ZNF536: variants seen among roughly 807,000 people sequenced by gnomAD.
The protein encoded by ZNF536 is zinc finger protein 536.
A neutral mutation model predicts 84.5 loss-of-function variants in ZNF536; 13 were observed. The ratio of observed to expected loss-of-function variants is 0.15; its 90% confidence interval spans 0.10 to 0.24. The LOEUF (loss-of-function observed/expected upper bound fraction) is 0.24. Ranked by LOEUF, ZNF536 falls within the 10% of genes least tolerant of loss-of-function variation. ZNF536 has a pLI of 1.00. For synonymous variants in ZNF536, 811 were observed against 742.5 expected, an observed-to-expected ratio of 1.09 and a Z score of -1.50; for missense variants, 1,536 against 1,747.5, an observed-to-expected ratio of 0.88 and a Z score of 2.16.
At chr19:30,300,015 C>T (rs2046127127) in intron 2 of ZNF536, among the ~76,000 whole-genome samples, 1 of 152,138 alleles carries the variant, frequency 6.6e-6, no homozygotes, top group Non-Finnish European at 1.5e-5. Flanking sequence ...CAGTCAAATT[C>T]CACTACTTTT....
chr19:30,653,911 C>T (rs1433793308), intron 1 of ZNF536, among the ~76,000 whole-genome samples: 1 of 152,172 alleles, frequency 6.6e-6, no homozygotes, highest in Non-Finnish European at 1.5e-5. Flanking sequence ...TGGCTCTTGT[C>T]TGGAGTTTGC....
chr19:30,684,451 A>C (rs2051095079), intron 1 of ZNF536, among the ~76,000 whole-genome samples: 1 of 152,166 alleles, frequency 6.6e-6, no homozygotes, highest in African/African-American at 2.4e-5. Context: ...CAAAAATCTT[A>C]ATGCATAAAC....
chr19:30,315,151 A>C (rs2046636824), intron 2 of ZNF536, among the ~76,000 whole-genome samples: 2 of 152,196 alleles, frequency 1.3e-5, no homozygotes, highest in Admixed American at 6.5e-5. Context: ...TATTTTCAGC[A>C]CCTAGAAGCT....
intron 1 of ZNF536, among the ~76,000 whole-genome samples, chr19:30,383,621 TCTTTCTTTCTTC>T (rs2049110710): frequency 3.4e-5 from 5 of 148,890 alleles, no homozygotes; most frequent in African/African-American, 9.9e-5. Context: ...TCTCTCTTTC[TCTTTCTTTCTTC>T]CTTTCTTCCT....
At chr19:30,248,400 T>G (rs2024415509) in intron 1 of ZNF536, among the ~76,000 whole-genome samples, 1 of 88,724 alleles carries the variant, frequency 1.1e-5, no homozygotes, top group African/African-American at 5.9e-5. Context: ...CTGCTAATTT[T>G]TTTTTTTTTT....
chr19:30,658,198 T>C (rs2049989429), intron 1 of ZNF536, among the ~76,000 whole-genome samples: 1 of 152,064 alleles, frequency 6.6e-6, no homozygotes, highest in South Asian at 2.1e-4. Flanking sequence ...ATTTTTGTAT[T>C]TTTAGTAGAG....
intron 1 of ZNF536, among the ~76,000 whole-genome samples, chr19:30,437,821 G>A (rs2051824550): frequency 6.6e-6 from 1 of 152,206 alleles, no homozygotes; most frequent in Non-Finnish European, 1.5e-5. Flanking sequence ...GCAGAGTTAG[G>A]TAAATTATGC....
chr19:30,399,268 T>C (rs1048370190), intron 1 of ZNF536, among the ~76,000 whole-genome samples: 1 of 152,190 alleles, frequency 6.6e-6, no homozygotes, highest in Non-Finnish European at 1.5e-5. Flanking sequence ...GGGGTTGTTT[T>C]TTTTTCTTGT....
chr19:30,241,300 G>A (rs372746307), intron 1 of ZNF536, among the ~76,000 whole-genome samples: 34 of 152,344 alleles, frequency 2.2e-4, no homozygotes, highest in African/African-American at 7.9e-4. Flanking sequence ...AGGTGACACG[G>A]CGAGACCCTG....
Position 30,525,716 on chromosome 19 carries a change from C to G in ZNF536, c.2171-9131C>G, listed in dbSNP as rs564773783. On this transcript the variant is annotated intron_variant, in intron 2 of 4. Transcript: ENST00000355537. Reference sequence around the variant, plus strand: ...GACTTTTACACGAAAGTTAGAAGAGCATTCTAGGGGAAAGAGAATTCCAGG... The same window carrying G: ...GACTTTTACACGAAAGTTAGAAGAGGATTCTAGGGGAAAGAGAATTCCAGG... 2.0e-5 allele frequency among the ~76,000 whole-genome samples: 3 copies of G among 152,230 alleles called. No individual in the cohort carries two copies. The South Asian group carries it at 6.2e-4, about 32-fold the overall frequency.
intron 1 of ZNF536, among the ~76,000 whole-genome samples, chr19:30,436,293 C>A (rs1294344550): frequency 6.6e-6 from 1 of 152,194 alleles, no homozygotes; most frequent in Non-Finnish European, 1.5e-5. Flanking sequence ...CTATTTCTGG[C>A]CCCATCTCAT....
chr19:30,484,040 C>T (rs1197480772), intron 2 of ZNF536, among the ~76,000 whole-genome samples: 4 of 151,912 alleles, frequency 2.6e-5, no homozygotes, highest in Non-Finnish European at 5.9e-5. Flanking sequence ...TCCCCCTGAC[C>T]CCAAGTCTCT....
At chr19:30,335,219 C>T (rs2047343359) in intron 2 of ZNF536, among the ~76,000 whole-genome samples, 1 of 152,186 alleles carries the variant, frequency 6.6e-6, no homozygotes, top group Admixed American at 6.5e-5. Context: ...CACCCTGCCA[C>T]CTATGAACAG....
At chr19:30,284,596 A>G (rs928580928) in intron 2 of ZNF536, among the ~76,000 whole-genome samples, 1 of 152,202 alleles carries the variant, frequency 6.6e-6, no homozygotes, top group African/African-American at 2.4e-5. Flanking sequence ...TGTCACCTCA[A>G]TCAGACTCCA....
At chr19:30,522,972 C>T (rs527251538) in intron 2 of ZNF536, among the ~76,000 whole-genome samples, 6 of 152,234 alleles carry the variant, frequency 3.9e-5, no homozygotes, top group South Asian at 2.1e-4. Context: ...GTCATCTATG[C>T]GAAGCTCAGT....
intron 1 of ZNF536, among the ~76,000 whole-genome samples, chr19:30,430,051 G>A (rs1210966238): frequency 6.6e-6 from 1 of 151,554 alleles, no homozygotes; most frequent in Non-Finnish European, 1.5e-5. Flanking sequence ...AAGGGTGGGG[G>A]AGGGGATTGG....
intron 1 of ZNF536, among the ~76,000 whole-genome samples, chr19:30,564,951 C>T (rs1185294032): frequency 3.3e-5 from 5 of 152,096 alleles, no homozygotes; most frequent in Non-Finnish European, 1.5e-5. Context: ...AGAACAGCCA[C>T]TGTGGCTGCA....
intron 1 of ZNF536, among the ~76,000 whole-genome samples, chr19:30,657,584 C>T (rs1600171239): frequency 6.6e-6 from 1 of 152,226 alleles, no homozygotes; most frequent in South Asian, 2.1e-4. Flanking sequence ...TCTTTCTCTT[C>T]CCCCTGCACT....
intron 1 of ZNF536, among the ~76,000 whole-genome samples, chr19:30,275,920 C>G (rs942897612): frequency 3.3e-5 from 5 of 152,078 alleles, no homozygotes; most frequent in African/African-American, 1.2e-4. Context: ...GTTCCTATCT[C>G]TTGCACTATC....
Sources: allele counts gnomAD v4.1 joint callset (sites outside exome capture counted in the v4.1 genomes callset), GRCh38; gene constraint gnomAD v4.1.1; transcripts MANE v1.5; gene names NCBI Gene and HGNC (gene_info 2026-07-23, HGNC 2026-07-21).